GSDME: variants seen among roughly 807,000 people sequenced by gnomAD.
The protein encoded by GSDME is gasdermin-E.
A neutral mutation model predicts 47.5 loss-of-function variants in GSDME; 44 were observed. That is an observed-to-expected ratio of 0.93 (90% CI 0.73 to 1.19). The LOEUF (loss-of-function observed/expected upper bound fraction) is 1.19, where lower values mean the gene tolerates loss of function less well. Ranked by LOEUF, GSDME falls within the 50% of genes most tolerant of loss-of-function variation. The pLI is 0.00. For missense variants in GSDME, 663 were observed against 604.2 expected (o/e 1.10, Z -1.02); for synonymous variants, 258 against 252.8 (o/e 1.02, Z -0.20).
rs116378466 is a variant in GSDME at position 24,720,398 on chromosome 7, G to T, written c.405-1180C>A. Among the ~76,000 whole-genome samples the T allele has an allele frequency of 8.5e-3, 1,297 of 152,252 alleles. 15 individuals carry two copies. Among genetic ancestry groups the T allele is most frequent in the African/African-American group, 0.029 (1,208 of 41,540 alleles). ...GAGGTTAGTTACCTTGAAAAGCTCA[G>T]CACCCATCCCTGACCACACACATGC... On this transcript the variant is annotated intron_variant, in intron 3 of 9. Coordinates refer to ENST00000645220, the MANE Select transcript of GSDME (RefSeq NM_001127453.2).
upstream of GSDME, among the ~76,000 whole-genome samples, chr7:24,759,300 A>C (rs909695106): frequency 2.3e-4 from 35 of 152,182 alleles, no homozygotes; most frequent in African/African-American, 8.2e-4. Flanking sequence ...CCACCCCAAA[A>C]AGCCCCAGTC....
chr7:24,713,029 A>G (rs1562692996), intron 5 of GSDME, among the ~76,000 whole-genome samples: 1 of 152,050 alleles, frequency 6.6e-6, no homozygotes, highest in Non-Finnish European at 1.5e-5. Context: ...AAAAAAAAAA[A>G]AAAGGGAAAA....
chr7:24,740,007 T>C (rs866278818), intron 3 of GSDME, among the ~76,000 whole-genome samples: 1 of 151,780 alleles, frequency 6.6e-6, no homozygotes, highest in African/African-American at 2.4e-5. Context: ...GCTGGAGAAC[T>C]GCTTGACCCT....
chr7:24,705,846 T>A lies in GSDME; in HGVS notation c.1183+338A>T, dbSNP rs1191191503. Reference sequence around the variant, plus strand: ...GTTGGCAAATGAAAGTTGCTGCCACTCAGCTCTGCTGGGACTCCGGAGTGA... The same window carrying A: ...GTTGGCAAATGAAAGTTGCTGCCACACAGCTCTGCTGGGACTCCGGAGTGA... On this transcript the variant is annotated intron_variant, in intron 8 of 9. Transcript: ENST00000645220. This position sits in a 1 kb window ranked among gnomAD's most constrained non-coding sequence, Gnocchi z 4.1. 1 of 402,038 alleles carries A rather than the reference T, an allele frequency of 2.5e-6. No homozygotes were observed. Among genetic ancestry groups the A allele is most frequent in the African/African-American group, 2.0e-5 (1 of 48,852 alleles). 24.9% of individuals were successfully genotyped at this position (402,038 alleles called of 1,614,324 possible).
chr7:24,750,522 A>G (rs1179367189), intron 1 of GSDME, among the ~76,000 whole-genome samples: 1 of 152,154 alleles, frequency 6.6e-6, no homozygotes, highest in Non-Finnish European at 1.5e-5. Flanking sequence ...CTGAGGTGGG[A>G]GGATTGCTTG....
chr7:24,762,948 C>T, the GSDME span, among the ~76,000 whole-genome samples: 219 of 152,210 alleles, frequency 1.4e-3, no homozygotes, highest in Non-Finnish European at 1.9e-3. Context: ...ATGGACACCT[C>T]GGGCAGATAG....
chr7:24,719,755 T>TG (rs1789705958), intron 3 of GSDME, among the ~76,000 whole-genome samples: 1 of 151,886 alleles, frequency 6.6e-6, no homozygotes, highest in Non-Finnish European at 1.5e-5. Context: ...ATCATGCCAT[T>TG]GCGCTCCAGC....
intron 5 of GSDME, 139 bp downstream of exon 5, chr7:24,717,115 C>A (rs1216641010): frequency 3.1e-6 from 3 of 970,176 alleles, no homozygotes; most frequent in African/African-American, 3.2e-5. Flanking sequence ...TGTCTTGGGA[C>A]AATCTACGCT....
intron 5 of GSDME, among the ~76,000 whole-genome samples, chr7:24,711,649 T>C (rs1476556187): frequency 6.6e-6 from 1 of 151,944 alleles, no homozygotes; most frequent in African/African-American, 2.4e-5. Context: ...ACCCCGTCTC[T>C]ACAAAAAAAT....
At chr7:24,747,110 C>A (rs1358932418) in intron 2 of GSDME, among the ~76,000 whole-genome samples, 2 of 152,230 alleles carry the variant, frequency 1.3e-5, no homozygotes, top group Non-Finnish European at 2.9e-5. Flanking sequence ...AGAGGCATTT[C>A]ACATCACAGA....
At chr7:24,795,207 T>C in the GSDME span, among the ~76,000 whole-genome samples, 1 of 152,130 alleles carries the variant, frequency 6.6e-6, no homozygotes, top group African/African-American at 2.4e-5. Flanking sequence ...CCAGGGCAAT[T>C]ACCCAGCTGA....
intron 5 of GSDME, among the ~76,000 whole-genome samples, chr7:24,713,553 C>G (rs1234108586): frequency 6.6e-6 from 1 of 152,210 alleles, no homozygotes; most frequent in Non-Finnish European, 1.5e-5. Context: ...AGAGGCGCAG[C>G]AGGCCTGGGG....
chr7:24,699,171 T>C lies in GSDME; in HGVS notation c.1346A>G (p.Gln449Arg), dbSNP rs1473311504. 3.7e-6 allele frequency: 6 copies of C among 1,614,098 alleles called. No homozygotes were observed. Among genetic ancestry groups the C allele is most frequent in the Non-Finnish European group, 5.1e-6 (6 of 1,180,034 alleles). The part of the protein sequence containing the change: ...LKDTERFGIV[Q>R]RLFASADISL... ...AATGTCAGCTGAGGCAAACAAGCGC[T>C]GCACAATCCCAAACCTTTCTGTATC... Residue 449 changes from glutamine (Q) to arginine (R), a missense_variant, in exon 10 of 10, where the codon CAG becomes CGG. Coordinates refer to ENST00000645220, the MANE Select transcript of GSDME (RefSeq NM_001127453.2).
intron 1 of GSDME, among the ~76,000 whole-genome samples, chr7:24,749,998 T>A (rs893564887): frequency 2.0e-5 from 3 of 152,230 alleles, no homozygotes; most frequent in African/African-American, 7.2e-5. Flanking sequence ...AGTCTGGATA[T>A]GCTAGGTTAC....
At chr7:24,703,305 C>T (rs138081433) in intron 8 of GSDME, 5,342 of 262,502 alleles carry the variant, frequency 0.02, 100 homozygotes, top group South Asian at 0.048. Context: ...TCTACCCCAT[C>T]ACCAATCATT....
In GSDME at chr7:24,708,081, A is replaced by G. The variant is rs140895401; in HGVS notation, c.990+46T>C. The G allele has an allele frequency of 3.7e-6, 6 of 1,611,326 alleles. No individual in the cohort carries two copies. The African/African-American group carries it at 6.7e-5, about 18-fold the overall frequency. ...TCCATCCTGCCTCCTCCCCTGTTCC[A>G]GAAAACCCCAGTGAAAACACTGCCT... On this transcript the variant is annotated intron_variant, in intron 7 of 9. Transcript: ENST00000645220.
Position 24,699,112 on chromosome 7 carries a change from C to T in GSDME, c.1405G>A (p.Val469Ile), listed in dbSNP as rs148824063. 1.2e-6 allele frequency: 2 copies of T among 1,614,142 alleles called. No homozygotes were observed. The highest frequency in any genetic ancestry group is 8.5e-7 in the Non-Finnish European group (1 of 1,180,004). The change falls in exon 10 of 10, where the codon GTC becomes ATC. Residue 469 changes from valine to isoleucine, a missense_variant. Transcript: ENST00000645220. ...LERLKSSVKAVILKDSKVFPL... is the reference protein window; with the variant it reads ...LERLKSSVKAIILKDSKVFPL... ...AAGACTTTAGAGTCCTTCAGAATGA[C>T]AGCTTTCACAGATGACTTCAGTCTC...
chr7:24,729,708 T>C (rs1274458450), intron 3 of GSDME, among the ~76,000 whole-genome samples: 1 of 152,132 alleles, frequency 6.6e-6, no homozygotes, highest in African/African-American at 2.4e-5. Context: ...TGAAATTAGC[T>C]CAGCGACTGA....
chr7:24,712,001 C>T lies in GSDME; in HGVS notation c.698-1613G>A, dbSNP rs577622727. Among the ~76,000 whole-genome samples, 6 of 152,218 alleles carry T rather than the reference C, an allele frequency of 3.9e-5. No individual in the cohort carries two copies. In the South Asian group the frequency reaches 1.2e-3, roughly 32 times the overall value. On this transcript the variant is annotated intron_variant, in intron 5 of 9. Transcript: ENST00000645220. This position sits in a 1 kb window ranked among gnomAD's most constrained non-coding sequence, Gnocchi z 4.4. The stretch of plus-strand genomic sequence containing the variant: ...CTATTTACTAACTTGTGTACGTAAG[C>T]AAAGGCTATGGAATAAAAATGTGGC...
Sources: allele counts gnomAD v4.1 joint callset (sites outside exome capture counted in the v4.1 genomes callset), GRCh38; gene constraint gnomAD v4.1.1; non-coding constraint Gnocchi (gnomAD v3.1); transcripts MANE v1.5; gene names NCBI Gene and HGNC (gene_info 2026-07-23, HGNC 2026-07-21).